The following AGO2 variants were observed in gnomAD, a reference collection of about 807,000 sequenced individuals.
AGO2 encodes the protein argonaute RISC catalytic component 2, also known as protein argonaute-2.
In AGO2, 5 loss-of-function variants were observed where a neutral mutation model predicts 102.3. The ratio of observed to expected loss-of-function variants is 0.05; its 90% CI spans 0.03 to 0.10. The LOEUF (loss-of-function observed/expected upper bound fraction) is 0.10. Among genes scored for constraint, AGO2 ranks in the 10% least tolerant of loss-of-function variants. The probability of loss-of-function intolerance (pLI) is 1.00; values close to 1 mark genes in which losing one functional copy is unlikely to be tolerated. For synonymous variants in AGO2, 449 were observed against 473.1 expected (o/e 0.95, Z 0.66); for missense variants, 541 against 1,183.7 (o/e 0.46, Z 7.97).
intron 9 of AGO2, 48 bp from the exon 10 acceptor site, chr8:140,556,066 A>T (rs747538878): frequency 6.2e-7 from 1 of 1,612,148 alleles, no homozygotes; most frequent in Non-Finnish European, 8.5e-7. Flanking sequence ...GAGGCCTCCC[A>T]TCTCTCTAGC....
rs551570373 is a variant in AGO2 at position 140,621,602 on chromosome 8, T to C, written c.22+13883A>G. On this transcript the variant is annotated intron_variant, in intron 1 of 18. Transcript: ENST00000220592. ...CCTTGTTCAATGATGTTCACCTTTA[T>C]TACGTTCATTTAGTCATCCAGGTTC... is the stretch of plus-strand genomic sequence containing the variant. 6.6e-5 allele frequency among the ~76,000 whole-genome samples: 10 copies of C among 152,264 alleles called. No individual in the cohort carries two copies. In the East Asian group the frequency reaches 1.7e-3, roughly 26 times the overall value.
rs180956837 is a variant in AGO2 at position 140,567,864 on chromosome 8, C to T, written c.336+4948G>A. On this transcript the variant is annotated intron_variant, in intron 3 of 18. Transcript: ENST00000220592. The surrounding 1 kb of genome is among the most constrained non-coding windows in gnomAD (Gnocchi z 5.0). ...CAAAGAGGCCAGCCTGGGGCTCACGCCTGTAATCCCAGTACCGTGGGAGGC... is the reference window on the plus strand; with the variant it reads ...CAAAGAGGCCAGCCTGGGGCTCACGTCTGTAATCCCAGTACCGTGGGAGGC... Among the ~76,000 whole-genome samples the T allele has an allele frequency of 1.7e-3, 263 of 152,300 alleles. No individual in the cohort carries two copies. Among genetic ancestry groups the T allele is most frequent in the African/African-American group, 5.9e-3 (247 of 41,566 alleles).
intron 14 of AGO2, among the ~76,000 whole-genome samples, chr8:140,543,404 T>G (rs2072837158): frequency 2.0e-5 from 3 of 152,242 alleles, no homozygotes; most frequent in Non-Finnish European, 2.9e-5. Context: ...GCGTCCCAGA[T>G]AGATTCTCTT....
intron 1 of AGO2, among the ~76,000 whole-genome samples, chr8:140,612,220 C>CAAAAAAAAAAAAAAAAAAAAAAAAAAA: frequency 1.0e-5 from 1 of 95,978 alleles, no homozygotes; most frequent in Admixed American, 1.1e-4. Flanking sequence ...GACTCTGTCT[C>CAAAAAAAAAAAAAAAAAAAAAAAAAAA]AAAAAAAAAA....
intron 5 of AGO2, 62 bp downstream of exon 5, chr8:140,560,312 T>G (rs1204938799): frequency 1.9e-6 from 3 of 1,572,158 alleles, no homozygotes; most frequent in South Asian, 1.1e-5. Context: ...CCGACCGGGG[T>G]CCTGACCCCC....
upstream of AGO2, among the ~76,000 whole-genome samples, chr8:140,640,545 GT>G (rs2074434554): frequency 1.3e-5 from 2 of 151,572 alleles, no homozygotes; most frequent in South Asian, 4.2e-4. Context: ...TTGAGATGGA[GT>G]CTCGCTCTGT....
At chr8:140,597,209 C>G (rs559140974) in intron 1 of AGO2, among the ~76,000 whole-genome samples, 1 of 152,346 alleles carries the variant, frequency 6.6e-6, no homozygotes, top group East Asian at 1.9e-4. Flanking sequence ...TTCACACTTG[C>G]TGGGCTGAAT....
chr8:140,576,858 C>T lies in AGO2; in HGVS notation c.216-3926G>A, dbSNP rs76516891. Among the ~76,000 whole-genome samples, 433 of 152,254 alleles carry T rather than the reference C, an allele frequency of 2.8e-3. 1 individual carries two copies. Among genetic ancestry groups the T allele is most frequent in the African/African-American group, 9.3e-3 (388 of 41,544 alleles). On this transcript the variant is annotated intron_variant, in intron 2 of 18. Coordinates refer to ENST00000220592, the MANE Select transcript of AGO2 (RefSeq NM_012154.5). ...GTGGACAAACCCATGATGCCACACC[C>T]GCACAATGCAATACTTGAATCCACC...
chr8:140,564,917 C>T (rs1484341993), intron 3 of AGO2, among the ~76,000 whole-genome samples: 9 of 152,044 alleles, frequency 5.9e-5, no homozygotes, highest in Non-Finnish European at 1.0e-4. Flanking sequence ...GGGTGGATCA[C>T]GAGGTCAGGA....
intron 1 of AGO2, among the ~76,000 whole-genome samples, chr8:140,605,026 G>C (rs1564112383): frequency 6.6e-6 from 1 of 152,104 alleles, no homozygotes; most frequent in African/African-American, 2.4e-5. Flanking sequence ...TTCAGGTAAG[G>C]AAATAAGACT....
At chr8:140,590,954 G>A (rs1191670846) in intron 1 of AGO2, among the ~76,000 whole-genome samples, 2 of 152,224 alleles carry the variant, frequency 1.3e-5, no homozygotes, top group Non-Finnish European at 2.9e-5. Context: ...GACACAGGAT[G>A]TAGCCATCCA....
intron 1 of AGO2, among the ~76,000 whole-genome samples, chr8:140,623,639 C>G (rs969980307): frequency 6.6e-6 from 1 of 152,092 alleles, no homozygotes; most frequent in Non-Finnish European, 1.5e-5. Flanking sequence ...ATGCTTCCCT[C>G]CCGTGCACAC....
chr8:140,534,973 G>A (rs934531084), intron 17 of AGO2, among the ~76,000 whole-genome samples: 4 of 152,238 alleles, frequency 2.6e-5, no homozygotes, highest in African/African-American at 9.6e-5. Context: ...CCAACACCAT[G>A]GCCACCTTCT....
chr8:140,537,219 T>A (rs1392197854), intron 16 of AGO2, among the ~76,000 whole-genome samples: 1 of 152,146 alleles, frequency 6.6e-6, no homozygotes, highest in Non-Finnish European at 1.5e-5. Flanking sequence ...GTAGAACTTT[T>A]ATAACCCTTC....
chr8:140,617,290 G>A (rs973319924), intron 1 of AGO2, among the ~76,000 whole-genome samples: 1 of 151,470 alleles, frequency 6.6e-6, no homozygotes, highest in African/African-American at 2.4e-5. Context: ...ATGGAGTCTC[G>A]CTCTGTCGCC....
chr8:140,529,325 A>G lies in AGO2; in HGVS notation c.*2719T>C, dbSNP rs1211885466. 6.6e-6 allele frequency: 1 copy of G among 152,302 alleles called. No homozygotes were observed. Among genetic ancestry groups the G allele is most frequent in the Middle Eastern group, 3.4e-3 (1 of 294 alleles). 9.4% of individuals were successfully genotyped at this position (152,302 alleles called of 1,614,324 possible). A position where few individuals can be genotyped will look rare whatever the true frequency, so the allele number is the denominator to read the frequency against. On this transcript the variant is annotated 3_prime_UTR_variant, in exon 19 of 19. Coordinates refer to ENST00000220592, the MANE Select transcript of AGO2 (RefSeq NM_012154.5). ...TACCCTACTGTACTTTGAGGTTTTT[A>G]CACTGTCTCAAAATTTATCCTAATA...
intron 6 of AGO2, 109 bp downstream of exon 6, chr8:140,559,286 C>A (rs1314638739): frequency 6.8e-5 from 95 of 1,401,954 alleles, no homozygotes; most frequent in Non-Finnish European, 9.2e-5. Context: ...TCTGCCACCC[C>A]CACCTCCCCA....
chr8:140,562,330 C>T (rs997311891), intron 4 of AGO2, 123 bp downstream of exon 4: 4 of 1,194,330 alleles, frequency 3.3e-6, no homozygotes, highest in Non-Finnish European at 4.6e-6. Flanking sequence ...ACAGAAAACC[C>T]ACGTGACCAC....
intron 4 of AGO2, 79 bp downstream of exon 4, chr8:140,562,374 G>A (rs1034110692): frequency 7.3e-6 from 11 of 1,501,644 alleles, no homozygotes; most frequent in South Asian, 2.6e-5. Flanking sequence ...GCCGTTCCTC[G>A]GACAGATTTC....
Sources: gnomAD v4.1 joint callset for allele counts (sites outside exome capture counted in the v4.1 genomes callset) on GRCh38, gnomAD v4.1.1 for gene constraint, Gnocchi (gnomAD v3.1) non-coding constraint, MANE v1.5 for transcripts, NCBI Gene and HGNC (gene_info 2026-07-23, HGNC 2026-07-21) for gene names.